CUX2: variants seen among roughly 807,000 people sequenced by gnomAD.
CUX2 encodes the protein homeobox protein cut-like 2.
A neutral mutation model predicts 144.8 loss-of-function variants in CUX2; 40 were observed. The ratio of observed to expected loss-of-function variants is 0.28; its 90% confidence interval spans 0.21 to 0.36. The LOEUF (loss-of-function observed/expected upper bound fraction) is 0.36, where lower values mean the gene tolerates loss of function less well. Ranked by LOEUF, CUX2 falls within the 10% of genes least tolerant of loss-of-function variation. The pLI is 1.00. For synonymous variants in CUX2, 827 were observed against 875.6 expected (o/e 0.94, Z 0.98); for missense variants, 1,615 against 1,994.0 (o/e 0.81, Z 3.62).
intron 3 of CUX2, among the ~76,000 whole-genome samples, chr12:111,229,110 A>C (rs1006041688): frequency 6.6e-6 from 1 of 152,198 alleles, no homozygotes; most frequent in Admixed American, 6.5e-5. Context: ...TGATTATTAC[A>C]ATTAAGATGA....
intron 1 of CUX2, among the ~76,000 whole-genome samples, chr12:111,172,100 C>T (rs1380815010): frequency 2.0e-5 from 3 of 151,098 alleles, no homozygotes; most frequent in South Asian, 4.2e-4. Context: ...CATGTCTCTG[C>T]GTGTGCATAT....
At chr12:111,249,445 GTTT>G (rs58383341) in intron 3 of CUX2, among the ~76,000 whole-genome samples, 2 of 63,366 alleles carry the variant, frequency 3.2e-5, no homozygotes, top group Non-Finnish European at 6.5e-5. Context: ...CCCTTTTTTT[GTTT>G]TTTTTTTTTT....
At chr12:111,156,985 CAAAAAAAAAA>C (rs1200398908) in intron 1 of CUX2, among the ~76,000 whole-genome samples, 15 of 18,998 alleles carry the variant, frequency 7.9e-4, no homozygotes, top group Admixed American at 1.3e-3. Context: ...AAACTTCTCT[CAAAAAAAAAA>C]AAAAAAAAAA....
At position 111,092,566 on chromosome 12, in the gene CUX2, C is replaced by T. The variant is rs183193926; in HGVS notation, c.63+58326C>T. ...AAGAATCTGGGACTGGGAGAGGAGC[C>T]GTAAGCAAAAGTGACAGGCCTGGAA... On this transcript the variant is annotated intron_variant, in intron 1 of 21. Coordinates refer to ENST00000261726, the MANE Select transcript of CUX2 (RefSeq NM_015267.4). 3.0e-3 allele frequency among the ~76,000 whole-genome samples: 457 copies of T among 152,258 alleles called. 4 individuals carry two copies. Among genetic ancestry groups the T allele is most frequent in the African/African-American group, 0.01 (430 of 41,534 alleles).
chr12:111,299,849 T>G (rs1232438441), intron 9 of CUX2, among the ~76,000 whole-genome samples: 1 of 152,072 alleles, frequency 6.6e-6, no homozygotes, highest in African/African-American at 2.4e-5. Flanking sequence ...CCAGAGATGG[T>G]CAATCCATTC....
chr12:111,048,783 A>G (rs772151375), intron 1 of CUX2, among the ~76,000 whole-genome samples: 1 of 152,106 alleles, frequency 6.6e-6, no homozygotes. Context: ...ACTTTCATAT[A>G]TGGGGATGCT....
chr12:111,241,158 G>T (rs1469965650), intron 3 of CUX2, among the ~76,000 whole-genome samples: 3 of 152,132 alleles, frequency 2.0e-5, no homozygotes, highest in African/African-American at 7.2e-5. Context: ...GAGGGCGTAT[G>T]CAGAGATCAC....
At chr12:111,334,411 A>G in intron 18 of CUX2, 30 bp from the exon 19 acceptor site, 1 of 1,544,796 alleles carries the variant, frequency 6.5e-7, no homozygotes, top group Non-Finnish European at 8.7e-7. Flanking sequence ...AGATTATAGT[A>G]ACCACCTTCT....
intron 3 of CUX2, among the ~76,000 whole-genome samples, chr12:111,247,481 G>A (rs1308637570): frequency 1.3e-5 from 2 of 152,222 alleles, no homozygotes; most frequent in Admixed American, 1.3e-4. Context: ...GCAAAGGGGA[G>A]GCCGCTGCCA....
chr12:111,316,352 G>C (rs1215352517), intron 16 of CUX2, among the ~76,000 whole-genome samples: 1 of 148,156 alleles, frequency 6.7e-6, no homozygotes, highest in Non-Finnish European at 1.5e-5. Flanking sequence ...CTCCGTGTTG[G>C]TCAGGCTGGT....
rs116082413 is a variant in CUX2, at chr12:111,049,845, A to C, written c.63+15605A>C. ...GGGCAAGGGGGATGGTCTGTGACCAAGGAGGTGGACAAGGCAGATCATCAG... is the reference window on the plus strand; with the variant it reads ...GGGCAAGGGGGATGGTCTGTGACCACGGAGGTGGACAAGGCAGATCATCAG... On this transcript the variant is annotated intron_variant, in intron 1 of 21. Transcript: ENST00000261726. Among the ~76,000 whole-genome samples the C allele has an allele frequency of 5.2e-3, 799 of 152,306 alleles. 4 individuals are homozygous for C. Among genetic ancestry groups the C allele is most frequent in the African/African-American group, 0.018 (754 of 41,570 alleles).
chr12:111,262,890 A>AC (rs1884196720), intron 3 of CUX2, among the ~76,000 whole-genome samples: 1 of 152,164 alleles, frequency 6.6e-6, no homozygotes, highest in Non-Finnish European at 1.5e-5. Flanking sequence ...CTTCCAGTCT[A>AC]CCCTTTACTA....
Position 111,295,455 on chromosome 12 carries a change from C to T in CUX2, c.637+46C>T, listed in dbSNP as rs370468107. On this transcript the variant is annotated intron_variant, in intron 7 of 21. Coordinates refer to ENST00000261726, the MANE Select transcript of CUX2 (RefSeq NM_015267.4). The surrounding 1 kb of genome is among the most constrained non-coding windows in gnomAD (Gnocchi z 5.0). ...GCCTAGAGGGAGGACTGGGAGGGGA[C>T]GGTAATGCTGTCAACGAGGGGTCAC... The T allele has an allele frequency of 2.3e-5, 36 of 1,552,984 alleles. No homozygotes were observed. Among genetic ancestry groups the T allele is most frequent in the Non-Finnish European group, 2.8e-5 (32 of 1,136,482 alleles).
rs137859427 is a variant in CUX2, at chr12:111,292,085, G to A, written c.436+533G>A. Among the ~76,000 whole-genome samples, 272 of 152,248 alleles carry A rather than the reference G, an allele frequency of 1.8e-3. 1 individual carries two copies. The highest frequency in any genetic ancestry group is 4.7e-3 in the African/African-American group (194 of 41,538). Reference sequence around the variant, plus strand: ...TCACCACATGACCCAGCAGCGCCACGGCTAGGTGTGGACCCCAGAGAATTG... The same window carrying A: ...TCACCACATGACCCAGCAGCGCCACAGCTAGGTGTGGACCCCAGAGAATTG... On this transcript the variant is annotated intron_variant, in intron 5 of 21. Coordinates refer to ENST00000261726, the MANE Select transcript of CUX2 (RefSeq NM_015267.4).
At chr12:111,161,242 T>C (rs1250091137) in intron 1 of CUX2, among the ~76,000 whole-genome samples, 2 of 152,034 alleles carry the variant, frequency 1.3e-5, no homozygotes, top group African/African-American at 4.8e-5. Context: ...GCAACACCCA[T>C]TAAAGGGATG....
chr12:111,316,142 C>CTTTTT (rs201009821), intron 16 of CUX2, among the ~76,000 whole-genome samples: 1 of 132,110 alleles, frequency 7.6e-6, no homozygotes, highest in Non-Finnish European at 1.6e-5. Flanking sequence ...TAAAATTAAG[C>CTTTTT]TTTTTTTTTT....
intron 4 of CUX2, among the ~76,000 whole-genome samples, chr12:111,278,440 C>T (rs1282339958): frequency 1.3e-5 from 2 of 152,184 alleles, no homozygotes; most frequent in East Asian, 1.9e-4. Flanking sequence ...CAACAAAAAA[C>T]ACTCACAGGT....
intron 1 of CUX2, among the ~76,000 whole-genome samples, chr12:111,090,194 G>A (rs541385050): frequency 5.3e-5 from 8 of 152,350 alleles, no homozygotes; most frequent in African/African-American, 1.2e-4. Context: ...AGAGCTCTCC[G>A]TGGGGCCAGA....
intron 1 of CUX2, among the ~76,000 whole-genome samples, chr12:111,065,425 T>C (rs1176841788): frequency 6.6e-6 from 1 of 152,178 alleles, no homozygotes; most frequent in Non-Finnish European, 1.5e-5. Context: ...ACTCCGCCTC[T>C]CCTGAGTTCA....
Sources: gnomAD v4.1 joint callset for allele counts (sites outside exome capture counted in the v4.1 genomes callset) on GRCh38, gnomAD v4.1.1 for gene constraint, Gnocchi (gnomAD v3.1) non-coding constraint, MANE v1.5 for transcripts, NCBI Gene and HGNC (gene_info 2026-07-23, HGNC 2026-07-21) for gene names.